Variants in PDE7B observed in about 807,000 individuals in gnomAD.
The protein encoded by PDE7B is 3',5'-cyclic-AMP phosphodiesterase 7B.
In PDE7B, 29 loss-of-function variants were observed where a neutral mutation model predicts 56.2. The ratio of observed to expected loss-of-function variants is 0.52; its 90% CI spans 0.38 to 0.70. The LOEUF (loss-of-function observed/expected upper bound fraction) is 0.70. Among genes scored for constraint, PDE7B ranks in the 30% least tolerant of loss-of-function variants. PDE7B has a pLI of 0.00. For missense variants in PDE7B, 490 were observed against 565.0 expected (o/e 0.87, Z 1.35); for synonymous variants, 197 against 196.9 (o/e 1.00, Z 0.00).
chr6:136,103,993 T>C (rs555938144), intron 2 of PDE7B, among the ~76,000 whole-genome samples: 35 of 152,308 alleles, frequency 2.3e-4, no homozygotes, highest in African/African-American at 7.9e-4. Flanking sequence ...CACAAGCTTT[T>C]ATTAACCAGA....
intron 2 of PDE7B, among the ~76,000 whole-genome samples, chr6:136,006,785 G>T (rs942481027): frequency 1.3e-5 from 2 of 152,136 alleles, no homozygotes; most frequent in African/African-American, 4.8e-5. Flanking sequence ...TGCTGAAGTT[G>T]TTTATCAGCT....
intron 2 of PDE7B, among the ~76,000 whole-genome samples, chr6:136,100,447 G>A (rs543615886): frequency 1.3e-4 from 19 of 151,854 alleles, no homozygotes; most frequent in East Asian, 3.9e-4. Context: ...CTTTTATTTC[G>A]TTGAGCAGTG....
Position 136,170,482 on chromosome 6 carries a change from C to T in PDE7B, c.712-3315C>T, listed in dbSNP as rs375035022. ...CCTCCCTCCCCTTAGTCCCTGGCAA[C>T]CACCCATTCTACTTTCTGTCTCTAA... On this transcript the variant is annotated intron_variant, in intron 8 of 12. Coordinates refer to ENST00000308191, the MANE Select transcript of PDE7B (RefSeq NM_018945.4). Among the ~76,000 whole-genome samples, 58 of 152,238 alleles carry T rather than the reference C, an allele frequency of 3.8e-4. 1 individual carries two copies. The highest frequency in any genetic ancestry group is 1.3e-3 in the African/African-American group (56 of 41,528).
chr6:135,869,316 A>G (rs548732220), intron 1 of PDE7B, among the ~76,000 whole-genome samples: 1 of 152,272 alleles, frequency 6.6e-6, no homozygotes, highest in African/African-American at 2.4e-5. Flanking sequence ...TGCATAGTAT[A>G]TTTATGAAGT....
intron 2 of PDE7B, among the ~76,000 whole-genome samples, chr6:136,104,016 GGC>G (rs1777606153): frequency 6.6e-6 from 1 of 152,192 alleles, no homozygotes; most frequent in Admixed American, 6.5e-5. Flanking sequence ...CAGCGTGAGA[GGC>G]CAAGTAAGCA....
intron 1 of PDE7B, among the ~76,000 whole-genome samples, chr6:135,894,085 C>T (rs1437530602): frequency 2.0e-5 from 3 of 152,094 alleles, no homozygotes; most frequent in African/African-American, 7.2e-5. Context: ...ATATCAGTAA[C>T]AAAACCTACC....
chr6:135,957,386 G>T (rs546023790), intron 2 of PDE7B, among the ~76,000 whole-genome samples: 1 of 152,134 alleles, frequency 6.6e-6, no homozygotes, highest in Admixed American at 6.5e-5. Context: ...AAATATCCAG[G>T]CCTATTCTTT....
chr6:136,085,488 G>A (rs1157625350), intron 2 of PDE7B, among the ~76,000 whole-genome samples: 1 of 152,202 alleles, frequency 6.6e-6, no homozygotes, highest in Non-Finnish European at 1.5e-5. Flanking sequence ...TTTAAGCCTG[G>A]TAGCCCAGTT....
At chr6:136,008,482 C>T (rs1583825692) in intron 2 of PDE7B, among the ~76,000 whole-genome samples, 1 of 152,198 alleles carries the variant, frequency 6.6e-6, no homozygotes, top group Non-Finnish European at 1.5e-5. Context: ...TCTCCACATC[C>T]TCTCCAGCAC....
intron 8 of PDE7B, among the ~76,000 whole-genome samples, chr6:136,159,675 G>C (rs1258106139): frequency 6.6e-6 from 1 of 152,090 alleles, no homozygotes; most frequent in Non-Finnish European, 1.5e-5. Flanking sequence ...CTTGCACCTT[G>C]TTTCATGAGC....
In PDE7B at chr6:135,906,706, T is replaced by C. The variant is rs79837397; in HGVS notation, c.22-40758T>C. 9.0e-3 allele frequency among the ~76,000 whole-genome samples: 1,375 copies of C among 152,098 alleles called. 15 individuals are homozygous for C. Among genetic ancestry groups the C allele is most frequent in the African/African-American group, 0.031 (1,299 of 41,494 alleles). ...TGCAAGCACTTGCTTGACTAAATGG[T>C]ATGAACGTACTTATATAGTGTCCTG... is the stretch of plus-strand genomic sequence containing the variant. On this transcript the variant is annotated intron_variant, in intron 1 of 12. Transcript: ENST00000308191.
chr6:136,036,541 T>C (rs1347277653), intron 2 of PDE7B, among the ~76,000 whole-genome samples: 1 of 152,170 alleles, frequency 6.6e-6, no homozygotes, highest in Non-Finnish European at 1.5e-5. Flanking sequence ...AGAGAAATAA[T>C]AAAACAACAA....
At chr6:136,153,639 T>G (rs1262671110) in intron 6 of PDE7B, among the ~76,000 whole-genome samples, 1 of 152,210 alleles carries the variant, frequency 6.6e-6, no homozygotes, top group Non-Finnish European at 1.5e-5. Flanking sequence ...TAAACCAGTC[T>G]TTGGATATCA....
intron 3 of PDE7B, among the ~76,000 whole-genome samples, chr6:136,130,766 T>C (rs761926298): frequency 4.0e-5 from 6 of 151,220 alleles, no homozygotes; most frequent in Non-Finnish European, 8.9e-5. Flanking sequence ...GAAAAAGAGG[T>C]TTAATGGACT....
chr6:136,013,468 C>G (rs1449632567), intron 2 of PDE7B, among the ~76,000 whole-genome samples: 2 of 152,324 alleles, frequency 1.3e-5, no homozygotes, highest in Admixed American at 1.3e-4. Flanking sequence ...GCACAGGGAT[C>G]TCCGCTCTCA....
chr6:135,991,282 C>T (rs988054124), intron 2 of PDE7B, among the ~76,000 whole-genome samples: 4 of 152,148 alleles, frequency 2.6e-5, no homozygotes, highest in Admixed American at 6.5e-5. Context: ...TTCCCAGCCC[C>T]TACTCAAGAT....
At chr6:136,004,740 G>A (rs1207461045) in intron 2 of PDE7B, among the ~76,000 whole-genome samples, 2 of 152,112 alleles carry the variant, frequency 1.3e-5, no homozygotes, top group African/African-American at 2.4e-5. Flanking sequence ...CATGTTCATG[G>A]GTAGGAAGAA....
chr6:136,121,794 C>CA (rs1173932718), intron 3 of PDE7B, among the ~76,000 whole-genome samples: 1 of 151,770 alleles, frequency 6.6e-6, no homozygotes, highest in Non-Finnish European at 1.5e-5. Flanking sequence ...AAAGTGCATT[C>CA]AAAAAAAGAC....
At chr6:136,137,685 G>A (rs951434959) in intron 3 of PDE7B, among the ~76,000 whole-genome samples, 1 of 151,866 alleles carries the variant, frequency 6.6e-6, no homozygotes. Context: ...GGTTTCTCCT[G>A]GTACCAAAAT....
Sources: gnomAD v4.1 joint callset for allele counts (sites outside exome capture counted in the v4.1 genomes callset) on GRCh38, gnomAD v4.1.1 for gene constraint, MANE v1.5 for transcripts, NCBI Gene and HGNC (gene_info 2026-07-23, HGNC 2026-07-21) for gene names.